The following PPFIBP1 variants were observed in gnomAD, a reference collection of about 807,000 sequenced individuals.
PPFIBP1 encodes liprin-beta-1.
Under a neutral mutation model 137.8 loss-of-function variants are expected in PPFIBP1, and 112 were observed. That is an observed-to-expected ratio of 0.81 (90% confidence interval 0.70 to 0.95). The LOEUF (loss-of-function observed/expected upper bound fraction) is 0.95. Among genes scored for constraint, PPFIBP1 ranks in the 40% least tolerant of loss-of-function variants. PPFIBP1 has a pLI of 0.00. For missense variants in PPFIBP1, 1,083 were observed against 1,196.6 expected, an observed-to-expected ratio of 0.91 and a Z score of 1.40; for synonymous variants, 378 against 417.3, an observed-to-expected ratio of 0.91 and a Z score of 1.15.
chr12:27,592,826 C>T, intron 2 of PPFIBP1: 1 of 623,988 alleles, frequency 1.6e-6, no homozygotes, highest in Non-Finnish European at 2.8e-6. Context: ...ATTTATGGAA[C>T]TCACATCCTT....
intron 4 of PPFIBP1, among the ~76,000 whole-genome samples, chr12:27,645,856 A>G (rs974472263): frequency 4.6e-5 from 7 of 152,230 alleles, no homozygotes; most frequent in African/African-American, 1.7e-4. Context: ...TTACTTTGGC[A>G]AAACATGCCT....
chr12:27,565,827 C>G (rs10842933), intron 1 of PPFIBP1, among the ~76,000 whole-genome samples: 48,634 of 151,968 alleles, frequency 0.32, 8,223 homozygotes, highest in Middle Eastern at 0.46. Flanking sequence ...CCGAATTTTC[C>G]TCTCTGAGCA....
intron 1 of PPFIBP1, among the ~76,000 whole-genome samples, chr12:27,541,155 A>G (rs193282964): frequency 3.3e-5 from 5 of 152,198 alleles, no homozygotes; most frequent in Admixed American, 2.6e-4. Flanking sequence ...ATCCCAAAGT[A>G]GGGTATCACA....
At chr12:27,661,053 C>G in intron 11 of PPFIBP1, 108 bp downstream of exon 11, 3 of 1,456,316 alleles carry the variant, frequency 2.1e-6, no homozygotes, top group Non-Finnish European at 2.8e-6. Flanking sequence ...GCCCAGAACA[C>G]TGCTAGGAGT....
chr12:27,597,390 G>A lies in PPFIBP1; in HGVS notation c.-36+19151G>A, dbSNP rs139877633. Among the ~76,000 whole-genome samples, 1,067 of 152,212 alleles carry A rather than the reference G, an allele frequency of 7.0e-3. 10 individuals carry two copies. The highest frequency in any genetic ancestry group is 0.024 in the African/African-American group (992 of 41,534). On this transcript the variant is annotated intron_variant, in intron 2 of 29. Transcript: ENST00000228425. ...AGGCTGGTCCCGAACCCCTGACCTC[G>A]TGATCCACCCACCTCGGCTCCCCAA...
At chr12:27,688,057 A>G (rs1039506525) in intron 25 of PPFIBP1, 6 of 398,140 alleles carry the variant, frequency 1.5e-5, no homozygotes, top group African/African-American at 8.2e-5. Flanking sequence ...CTGCAACGCC[A>G]GCGTGGGTAA....
Position 27,680,015 on chromosome 12 carries a change from G to T in PPFIBP1, c.1849G>T (p.Ala617Ser). The change falls in exon 21 of 30, where the codon GCG becomes TCG. Residue 617 changes from alanine (A) to serine (S), a missense_variant. Ala to Ser is a moderately conservative substitution (Grantham distance 99, BLOSUM62 1). Coordinates refer to ENST00000228425, the MANE Select transcript of PPFIBP1 (RefSeq NM_003622.4). Reference protein sequence around the residue: ...EFKRGGTRATAGPRLGWSRDL... With the variant: ...EFKRGGTRATSGPRLGWSRDL... ...CAAAAGAGGAGGGACAAGGGCAACC[G>T]CGGGGCCCCGATTAGGTTGGTCTCG... The T allele has an allele frequency of 6.2e-7, 1 of 1,614,104 alleles. No homozygotes were observed. The highest frequency in any genetic ancestry group is 1.7e-4 in the Middle Eastern group (1 of 6,054).
At chr12:27,562,494 T>C (rs1351025) in intron 1 of PPFIBP1, among the ~76,000 whole-genome samples, 54,725 of 152,060 alleles carry the variant, frequency 0.36, 10,510 homozygotes, top group African/African-American at 0.48. Context: ...GCTACATAAT[T>C]TGTTAACCTG....
At position 27,651,425 on chromosome 12, in the gene PPFIBP1, C is replaced by T. The variant is rs570045007; in HGVS notation, c.603+1284C>T. Reference sequence around the variant, plus strand: ...GCCCAGCCATGTTTTAATTTTAAAACTCTTTGTCAGTTGCCTGTGTGAGCA... The same window carrying T: ...GCCCAGCCATGTTTTAATTTTAAAATTCTTTGTCAGTTGCCTGTGTGAGCA... On this transcript the variant is annotated intron_variant, in intron 7 of 29. Coordinates refer to ENST00000228425, the MANE Select transcript of PPFIBP1 (RefSeq NM_003622.4). Among the ~76,000 whole-genome samples the T allele has an allele frequency of 3.1e-4, 47 of 152,256 alleles. 1 individual carries two copies. In the South Asian group the frequency reaches 9.5e-3, roughly 31 times the overall value.
Position 27,536,815 on chromosome 12 carries a change from C to T in PPFIBP1, c.-124+12450C>T, listed in dbSNP as rs530271214. Among the ~76,000 whole-genome samples the T allele has an allele frequency of 5.3e-5, 8 of 152,270 alleles. No homozygotes were observed. The East Asian group carries it at 9.7e-4, about 18-fold the overall frequency. ...GTATTAAACCAACTGTGGGTCTTTT[C>T]TGAGCATGGGGTCCTGTGTTACTGC... On this transcript the variant is annotated intron_variant, in intron 1 of 29. Coordinates refer to ENST00000228425, the MANE Select transcript of PPFIBP1 (RefSeq NM_003622.4).
At chr12:27,571,170 T>A (rs2050111552) in intron 1 of PPFIBP1, among the ~76,000 whole-genome samples, 1 of 152,222 alleles carries the variant, frequency 6.6e-6, no homozygotes, top group Admixed American at 6.5e-5. Flanking sequence ...ACCACTCCTG[T>A]AACCTGGTTC....
At chr12:27,656,484 T>TG (rs1357040581) in intron 8 of PPFIBP1, 132 bp from the exon 9 acceptor site, 1 of 649,066 alleles carries the variant, frequency 1.5e-6, no homozygotes. Context: ...TGATTTCTGA[T>TG]GCTTGCATCT....
At chr12:27,642,996 C>G (rs1348110973) in intron 4 of PPFIBP1, among the ~76,000 whole-genome samples, 1 of 151,984 alleles carries the variant, frequency 6.6e-6, no homozygotes, top group African/African-American at 2.4e-5. Context: ...GGAGCTCACA[C>G]AAGATGGCCT....
chr12:27,652,087 T>G (rs1239380978), intron 7 of PPFIBP1, among the ~76,000 whole-genome samples: 1 of 152,240 alleles, frequency 6.6e-6, no homozygotes, highest in Non-Finnish European at 1.5e-5. Context: ...ATCTTCAACA[T>G]TAAACTAACT....
At chr12:27,544,811 T>C (rs898019608) in intron 1 of PPFIBP1, among the ~76,000 whole-genome samples, 1 of 152,248 alleles carries the variant, frequency 6.6e-6, no homozygotes, top group African/African-American at 2.4e-5. Context: ...TCAACCATTG[T>C]GGAAGACAGT....
chr12:27,647,781 T>C lies in PPFIBP1; in HGVS notation c.410T>C (p.Leu137Ser). 6.2e-7 allele frequency: 1 copy of C among 1,611,592 alleles called. No homozygotes were observed. The highest frequency in any genetic ancestry group is 8.5e-7 in the Non-Finnish European group (1 of 1,179,024). ...VEAQGEKIRD[L>S]EFCLEEHREK... The stretch of plus-strand genomic sequence containing the variant: ...GCTCAGGGAGAGAAGATTCGAGATT[T>C]GGAGTTTTGTCTTGAAGAGCACAGA... Residue 137 changes from leucine (L) to serine (S), a missense_variant, in exon 6 of 30, where the codon TTG becomes TCG. Physicochemically the swap from Leu to Ser is moderately radical, Grantham distance 145 (BLOSUM62 -2). Coordinates refer to ENST00000228425, the MANE Select transcript of PPFIBP1 (RefSeq NM_003622.4).
At chr12:27,549,474 G>T (rs1229861071) in intron 1 of PPFIBP1, 1 of 151,478 alleles carries the variant, frequency 6.6e-6, no homozygotes, top group Non-Finnish European at 1.5e-5. Flanking sequence ...TGCAAAGAAT[G>T]AATAAAGAAG....
chr12:27,590,896 G>A (rs2052423817), intron 2 of PPFIBP1, among the ~76,000 whole-genome samples: 2 of 152,150 alleles, frequency 1.3e-5, no homozygotes, highest in Admixed American at 6.5e-5. Flanking sequence ...GGAGGTATAT[G>A]GGTTAGATCT....
chr12:27,630,550 C>A (rs906232327), intron 2 of PPFIBP1, among the ~76,000 whole-genome samples: 1 of 152,142 alleles, frequency 6.6e-6, no homozygotes, highest in East Asian at 1.9e-4. Flanking sequence ...ACTTAAAAAA[C>A]TAATCTGATG....
Sources: gnomAD v4.1 joint callset for allele counts (sites outside exome capture counted in the v4.1 genomes callset) on GRCh38, gnomAD v4.1.1 for gene constraint, MANE v1.5 for transcripts, NCBI Gene and HGNC (gene_info 2026-07-23, HGNC 2026-07-21) for gene names.